The following RGS22 variants were observed in gnomAD, a reference collection of about 807,000 sequenced individuals.
RGS22 encodes regulator of G-protein signaling 22.
Under a neutral mutation model 172.9 loss-of-function variants are expected in RGS22, and 148 were observed. The ratio of observed to expected loss-of-function variants is 0.86; its 90% CI spans 0.75 to 0.98. RGS22 has a LOEUF of 0.98. RGS22 is among the 50% of genes least tolerant of loss of function. RGS22 has a pLI of 0.00. For missense variants in RGS22, 1,347 were observed against 1,440.8 expected, an observed-to-expected ratio of 0.93 and a Z score of 1.05; for synonymous variants, 458 against 480.2, an observed-to-expected ratio of 0.95 and a Z score of 0.60.
At chr8:100,010,958 T>C (rs1250098407) in intron 14 of RGS22, among the ~76,000 whole-genome samples, 2 of 151,874 alleles carry the variant, frequency 1.3e-5, no homozygotes, top group African/African-American at 4.8e-5. Flanking sequence ...AGAAGATAAC[T>C]GTTAAGCTGA....
At chr8:100,041,967 C>A (rs1586091486) in intron 11 of RGS22, 51 bp from the exon 12 acceptor site, 3 of 1,191,958 alleles carry the variant, frequency 2.5e-6, no homozygotes, top group African/African-American at 1.5e-5. Context: ...ACTAACTGAT[C>A]AACAAACAAA....
intron 3 of RGS22, among the ~76,000 whole-genome samples, chr8:100,085,799 G>A (rs1812115286): frequency 2.0e-5 from 3 of 152,096 alleles, no homozygotes; most frequent in Admixed American, 2.0e-4. Context: ...CACATAGATT[G>A]GTACAACAGA....
intron 19 of RGS22, among the ~76,000 whole-genome samples, chr8:99,998,882 C>A (rs530754404): frequency 1.2e-4 from 19 of 152,260 alleles, no homozygotes; most frequent in African/African-American, 4.6e-4. Context: ...TAAGGCCTGG[C>A]ATGGCGTCTC....
At position 100,093,436 on chromosome 8, in the gene RGS22, A is replaced by G. The variant is rs767679168; in HGVS notation, c.117+11T>C. 4.3e-5 allele frequency: 66 copies of G among 1,525,384 alleles called. 1 individual carries two copies. The South Asian group carries it at 7.3e-4, about 17-fold the overall frequency. 94.5% of individuals were successfully genotyped at this position (1,525,384 alleles called of 1,614,324 possible). A position where few individuals can be genotyped will look rare whatever the true frequency, so the allele number is the denominator to read the frequency against. On this transcript the variant is annotated intron_variant, in intron 3 of 27. Coordinates refer to ENST00000360863, the MANE Select transcript of RGS22 (RefSeq NM_015668.5). ...TAATATATATTCAATAGATCATAAT[A>G]ATAAACTCACTGGAAGGCTTAGGAA...
intron 14 of RGS22, 48 bp from the exon 15 acceptor site, chr8:100,008,617 A>G: frequency 6.9e-7 from 1 of 1,453,680 alleles, no homozygotes; most frequent in Non-Finnish European, 9.4e-7. Flanking sequence ...AGAAGCCACA[A>G]TGGTTAGCAG....
At chr8:100,027,679 C>T (rs923514323) in intron 14 of RGS22, among the ~76,000 whole-genome samples, 6 of 152,032 alleles carry the variant, frequency 3.9e-5, no homozygotes, top group East Asian at 1.9e-4. Context: ...GATGGGGTTT[C>T]GCCATGTTAG....
At chr8:100,065,212 T>C (rs975728744) in intron 7 of RGS22, among the ~76,000 whole-genome samples, 2 of 152,186 alleles carry the variant, frequency 1.3e-5, no homozygotes, top group African/African-American at 2.4e-5. Flanking sequence ...GAGATTAGAC[T>C]TTGTAAATCT....
chr8:99,978,172 T>A (rs2131183476), intron 22 of RGS22, 97 bp from the exon 23 acceptor site: 1 of 648,908 alleles, frequency 1.5e-6, no homozygotes, highest in East Asian at 3.4e-5. Flanking sequence ...ATCTTTAATA[T>A]ATACCATGTT....
chr8:100,086,561 G>A lies in RGS22; in HGVS notation c.118-6206C>T, dbSNP rs188365728. On this transcript the variant is annotated intron_variant, in intron 3 of 27. Transcript: ENST00000360863. The stretch of plus-strand genomic sequence containing the variant: ...AATAGACACTGGGGACAACTAGATG[G>A]GAGAGGGAAGGATGGAGATAAGGGC... 1.1e-4 allele frequency among the ~76,000 whole-genome samples: 16 copies of A among 152,068 alleles called. No individual in the cohort carries two copies. The East Asian group carries it at 2.3e-3, about 22-fold the overall frequency.
chr8:99,990,631 A>C (rs760262200), intron 20 of RGS22, among the ~76,000 whole-genome samples: 14 of 152,178 alleles, frequency 9.2e-5, no homozygotes, highest in Non-Finnish European at 1.6e-4. Context: ...TATGATGTGA[A>C]AATAAAGCCC....
intron 2 of RGS22, among the ~76,000 whole-genome samples, chr8:100,097,631 C>T (rs969568330): frequency 1.3e-5 from 2 of 152,166 alleles, no homozygotes; most frequent in African/African-American, 2.4e-5. Flanking sequence ...TTTCTCTGCA[C>T]GTTATGGACA....
intron 14 of RGS22, among the ~76,000 whole-genome samples, chr8:100,037,893 T>C (rs1326719382): frequency 6.6e-6 from 1 of 152,188 alleles, no homozygotes; most frequent in East Asian, 1.9e-4. Context: ...ATATGGGCTA[T>C]GTAGGGGCTG....
At chr8:99,975,228 T>C (rs1300359992) in intron 23 of RGS22, among the ~76,000 whole-genome samples, 2 of 152,082 alleles carry the variant, frequency 1.3e-5, no homozygotes, top group African/African-American at 4.8e-5. Context: ...TAATAATATA[T>C]TGGTATTAGA....
chr8:100,035,425 TTA>T (rs1819336039), intron 14 of RGS22, among the ~76,000 whole-genome samples: 1 of 152,126 alleles, frequency 6.6e-6, no homozygotes, highest in African/African-American at 2.4e-5. Flanking sequence ...CTCACGCCAG[TTA>T]GAATGGCGTT....
At chr8:100,009,436 A>C (rs1329896016) in intron 14 of RGS22, among the ~76,000 whole-genome samples, 1 of 151,668 alleles carries the variant, frequency 6.6e-6, no homozygotes, top group African/African-American at 2.4e-5. Context: ...AAAAAAAAAA[A>C]AAAAAAAAGA....
chr8:100,060,402 G>GTGTATATATATATATA (rs1193942289), intron 9 of RGS22, among the ~76,000 whole-genome samples: 1 of 102,934 alleles, frequency 9.7e-6, no homozygotes, highest in African/African-American at 3.1e-5. Flanking sequence ...TTAGCTACGT[G>GTGTATATATATATATA]TATATATATA....
chr8:100,029,200 C>T (rs1175096938), intron 14 of RGS22, among the ~76,000 whole-genome samples: 5 of 152,176 alleles, frequency 3.3e-5, no homozygotes, highest in East Asian at 1.9e-4. Flanking sequence ...CTTCCCCAGT[C>T]GAGCCCCAGA....
At position 100,052,787 on chromosome 8, in the gene RGS22, G is replaced by T; in HGVS notation, c.1689+15C>A. 6.2e-7 allele frequency: 1 copy of T among 1,610,904 alleles called. No homozygotes were observed. The highest frequency in any genetic ancestry group is 8.5e-7 in the Non-Finnish European group (1 of 1,177,442). On this transcript the variant is annotated intron_variant, in intron 10 of 27. Transcript: ENST00000360863. ...ACAAACTTAGTAGAGATCACAGCAT[G>T]AATGTACACCCTACCTGGATCTCAG...
In RGS22 at chr8:100,034,862, T is replaced by G. The variant is rs1047410876; in HGVS notation, c.2166+4069A>C. Among the ~76,000 whole-genome samples, 5 of 152,166 alleles carry G rather than the reference T, an allele frequency of 3.3e-5. No individual in the cohort carries two copies. The East Asian group carries it at 9.6e-4, about 29-fold the overall frequency. On this transcript the variant is annotated intron_variant, in intron 14 of 27. Transcript: ENST00000360863. ...ACAAAAACAAGAAATGGGGAAAGGA[T>G]TCCCTATTTAATAAATGGTGCTGGG...
Sources: gnomAD v4.1 joint callset for allele counts (sites outside exome capture counted in the v4.1 genomes callset) on GRCh38, gnomAD v4.1.1 for gene constraint, MANE v1.5 for transcripts, NCBI Gene and HGNC (gene_info 2026-07-23, HGNC 2026-07-21) for gene names.